Variants in TEX11 observed in about 807,000 individuals in gnomAD.
TEX11 encodes the protein testis expressed 11.
Under a neutral mutation model 84.4 loss-of-function variants are expected in TEX11, and 7 were observed. The ratio of observed to expected loss-of-function variants is 0.08; its 90% confidence interval spans 0.05 to 0.16. The LOEUF (loss-of-function observed/expected upper bound fraction) is 0.16, where lower values mean the gene tolerates loss of function less well. Ranked by LOEUF, TEX11 falls within the 10% of genes least tolerant of loss-of-function variation. The probability of loss-of-function intolerance (pLI) is 1.00; values close to 1 mark genes in which losing one functional copy is unlikely to be tolerated. For missense variants in TEX11, 551 were observed against 660.5 expected (o/e 0.83, Z 1.82); for synonymous variants, 264 against 222.8 (o/e 1.18, Z -1.64).
intron 9 of TEX11, among the ~76,000 whole-genome samples, chrX:70,782,783 A>T (rs953454441): frequency 9.0e-6 from 1 of 110,950 alleles, no homozygotes; most frequent in Non-Finnish European, 1.9e-5. Context: ...AGAGCTAACT[A>T]TCTTAAATAT....
At chrX:70,550,907 C>T (rs1488095323) in intron 28 of TEX11, among the ~76,000 whole-genome samples, 2 of 111,492 alleles carry the variant, frequency 1.8e-5, no homozygotes. Context: ...TGGATATATA[C>T]CCAAAAGAAA....
In TEX11 at chrX:70,749,020, C is replaced by T. The variant is rs1373700137; in HGVS notation, c.693-4801G>A. Among the ~76,000 whole-genome samples, 10 of 102,616 alleles carry T rather than the reference C, an allele frequency of 9.7e-5. No homozygotes were observed. In the East Asian group the frequency reaches 3.2e-3, roughly 33 times the overall value. The allele number at this position is 102,616 out of a possible 115,157, so 89.1% of individuals were successfully genotyped here. A position where few individuals can be genotyped will look rare whatever the true frequency, so the allele number is the denominator to read the frequency against. On this transcript the variant is annotated intron_variant, in intron 9 of 29. Coordinates refer to ENST00000374333, the MANE Select transcript of TEX11 (RefSeq NM_031276.3). ...TGTAAATTACCTTGGGCAGTATGGC[C>T]ATTTTCACGATATCGATTCTTCCTA...
At chrX:70,824,427 C>T (rs1482126529) in intron 8 of TEX11, among the ~76,000 whole-genome samples, 1 of 111,781 alleles carries the variant, frequency 8.9e-6, no homozygotes, top group East Asian at 2.8e-4. Flanking sequence ...CCCATGGTGG[C>T]AACAGCAGTG....
intron 11 of TEX11, among the ~76,000 whole-genome samples, chrX:70,727,921 C>A (rs1347423580): frequency 8.9e-6 from 1 of 112,052 alleles, no homozygotes; most frequent in Admixed American, 9.5e-5. Context: ...GCTTAAGCCA[C>A]CCAGTTTATA....
intron 27 of TEX11, 83 bp downstream of exon 27, chrX:70,553,223 G>A (rs2088241427): frequency 3.5e-6 from 2 of 579,127 alleles, no homozygotes; most frequent in Non-Finnish European, 5.3e-6. Context: ...TTAAAGTTGA[G>A]TCAATTAAGA....
chrX:70,615,212 G>A lies in TEX11; in HGVS notation c.1752-4669C>T, dbSNP rs758551801. On this transcript the variant is annotated intron_variant, in intron 20 of 29. Coordinates refer to ENST00000374333, the MANE Select transcript of TEX11 (RefSeq NM_031276.3). ...CAAATGAACTAAATAAGACACCAGGGACCAGTTCTGGAGAAACAGAGGTAT... is the reference window on the plus strand; with the variant it reads ...CAAATGAACTAAATAAGACACCAGGAACCAGTTCTGGAGAAACAGAGGTAT... 1.5e-3 allele frequency among the ~76,000 whole-genome samples: 170 copies of A among 111,548 alleles called. 1 individual carries two copies. The highest frequency in any genetic ancestry group is 5.4e-3 in the African/African-American group (167 of 30,678).
intron 3 of TEX11, among the ~76,000 whole-genome samples, chrX:70,875,642 C>T (rs187875004): frequency 1.3e-3 from 139 of 108,683 alleles, no homozygotes; most frequent in African/African-American, 3.0e-3. Flanking sequence ...CTCAGCTACT[C>T]GGGAGGCTGA....
At chrX:70,861,071 T>A in intron 4 of TEX11, 135 bp from the exon 5 acceptor site, 1 of 376,987 alleles carries the variant, frequency 2.7e-6, no homozygotes, top group Non-Finnish European at 4.3e-6. Context: ...CTTTTTTTTT[T>A]TTTTTTTTGA....
chrX:70,742,881 C>T (rs1424192522), intron 10 of TEX11, among the ~76,000 whole-genome samples: 1 of 110,933 alleles, frequency 9.0e-6, no homozygotes, highest in African/African-American at 3.3e-5. Context: ...TACAGGTACA[C>T]ACCACTGCAC....
At chrX:70,869,534 T>C (rs2091619400) in intron 4 of TEX11, among the ~76,000 whole-genome samples, 1 of 112,167 alleles carries the variant, frequency 8.9e-6, no homozygotes, top group Non-Finnish European at 1.9e-5. Flanking sequence ...CATTTCAAAA[T>C]GGCCATAACC....
intron 24 of TEX11, among the ~76,000 whole-genome samples, chrX:70,603,533 A>C (rs1179023100): frequency 4.7e-5 from 5 of 107,053 alleles, no homozygotes; most frequent in Admixed American, 1.0e-4. Flanking sequence ...CCTTCCTTAC[A>C]CCTTATACAA....
At chrX:70,632,609 T>C (rs1407591024) in intron 17 of TEX11, among the ~76,000 whole-genome samples, 1 of 110,905 alleles carries the variant, frequency 9.0e-6, no homozygotes, top group Admixed American at 9.6e-5. Context: ...ACAAAACTGA[T>C]AGAGAAAAAT....
intron 11 of TEX11, among the ~76,000 whole-genome samples, chrX:70,726,056 C>A (rs1466292752): frequency 7.1e-5 from 8 of 112,352 alleles, no homozygotes; most frequent in Admixed American, 1.9e-4. Context: ...AAAGGGCTTG[C>A]AAATATAGAT....
At chrX:70,878,398 C>T (rs745511194) in intron 3 of TEX11, among the ~76,000 whole-genome samples, 65 of 110,095 alleles carry the variant, frequency 5.9e-4, no homozygotes, top group Non-Finnish European at 1.1e-3. Flanking sequence ...GTCTCGATCT[C>T]CTGACCTTGT....
At chrX:70,731,650 A>C (rs756317025) in intron 11 of TEX11, among the ~76,000 whole-genome samples, 12 of 111,642 alleles carry the variant, frequency 1.1e-4, no homozygotes, top group Non-Finnish European at 2.3e-4. Flanking sequence ...TCTAAAATTG[A>C]GGCAATAATC....
At chrX:70,732,720 T>C (rs1250838227) in intron 11 of TEX11, among the ~76,000 whole-genome samples, 20 of 110,789 alleles carry the variant, frequency 1.8e-4, no homozygotes, top group Middle Eastern at 4.7e-3. Context: ...AAAATGGCCA[T>C]ACTGCTCAAG....
Position 70,748,025 on chromosome X carries a change from C to T in TEX11, c.693-3806G>A, listed in dbSNP as rs146186655. Among the ~76,000 whole-genome samples the T allele has an allele frequency of 6.0e-3, 656 of 108,741 alleles. 2 individuals carry two copies. Among genetic ancestry groups the T allele is most frequent in the African/African-American group, 0.02 (608 of 29,873 alleles). 94.4% of individuals were successfully genotyped at this position (108,741 alleles called of 115,157 possible). ...AAACTAACCTGAAGAGCAATAGAAA[C>T]GATACAAATCTGAGGAACAAACAGA... On this transcript the variant is annotated intron_variant, in intron 9 of 29. Transcript: ENST00000374333.
At chrX:70,878,423 G>A (rs1352658608) in intron 3 of TEX11, among the ~76,000 whole-genome samples, 2 of 109,691 alleles carry the variant, frequency 1.8e-5, no homozygotes, top group Non-Finnish European at 3.8e-5. Context: ...TGCCCGCCTC[G>A]GCGTCCCAAA....
intron 25 of TEX11, among the ~76,000 whole-genome samples, chrX:70,572,275 G>T (rs1262137547): frequency 1.8e-5 from 2 of 111,716 alleles, no homozygotes; most frequent in Non-Finnish European, 3.8e-5. Flanking sequence ...GGCCATCAGA[G>T]AAATGCAAAT....
Sources: gnomAD v4.1 joint callset for allele counts (sites outside exome capture counted in the v4.1 genomes callset) on GRCh38, gnomAD v4.1.1 for gene constraint, MANE v1.5 for transcripts, NCBI Gene and HGNC (gene_info 2026-07-23, HGNC 2026-07-21) for gene names.